RABGAP1L: variants seen among roughly 807,000 people sequenced by gnomAD.
The protein encoded by RABGAP1L is RAB GTPase activating protein 1 like, also known as rab GTPase-activating protein 1-like.
Under a neutral mutation model 137.7 loss-of-function variants are expected in RABGAP1L, and 63 were observed. The observed-to-expected ratio is 0.46, with a 90% CI of 0.37 to 0.56. RABGAP1L has a LOEUF of 0.56. RABGAP1L is among the 20% of genes least tolerant of loss of function. The probability of loss-of-function intolerance (pLI) is 0.00; values close to 1 mark genes in which losing one functional copy is unlikely to be tolerated. For synonymous variants in RABGAP1L, 431 were observed against 433.7 expected, an observed-to-expected ratio of 0.99 and a Z score of 0.08; for missense variants, 1,095 against 1,244.0, an observed-to-expected ratio of 0.88 and a Z score of 1.80.
intron 5 of RABGAP1L, among the ~76,000 whole-genome samples, chr1:174,247,994 T>C (rs552956737): frequency 6.6e-6 from 1 of 152,314 alleles, no homozygotes; most frequent in Non-Finnish European, 1.5e-5. Flanking sequence ...CAGTAGACTT[T>C]ATATTTCATT....
intron 13 of RABGAP1L, among the ~76,000 whole-genome samples, chr1:174,490,538 C>A (rs2149351890): frequency 6.6e-6 from 1 of 152,258 alleles, no homozygotes; most frequent in East Asian, 1.9e-4. Flanking sequence ...GCCAGCATAG[C>A]ATTTTGTCTC....
intron 17 of RABGAP1L, among the ~76,000 whole-genome samples, chr1:174,732,584 G>C (rs935180689): frequency 6.6e-6 from 1 of 152,084 alleles, no homozygotes; most frequent in East Asian, 1.9e-4. Flanking sequence ...ACCTTCAAAG[G>C]CATCTTCAGT....
At chr1:174,461,530 C>T (rs905510579) in intron 13 of RABGAP1L, among the ~76,000 whole-genome samples, 5 of 152,236 alleles carry the variant, frequency 3.3e-5, no homozygotes, top group African/African-American at 1.2e-4. Context: ...AGTGGCTACT[C>T]AATTATTTGT....
At chr1:174,474,897 G>A (rs545512583) in intron 13 of RABGAP1L, among the ~76,000 whole-genome samples, 41 of 151,862 alleles carry the variant, frequency 2.7e-4, no homozygotes, top group Middle Eastern at 3.4e-3. Flanking sequence ...CACTGCGCCT[G>A]GCCTTCTGAT....
intron 19 of RABGAP1L, among the ~76,000 whole-genome samples, chr1:174,818,132 A>G (rs1263132638): frequency 6.6e-6 from 1 of 152,246 alleles, no homozygotes; most frequent in Non-Finnish European, 1.5e-5. Context: ...TTTGGGAGTC[A>G]TCAGCATTGA....
chr1:174,750,327 A>C (rs1277696789), intron 17 of RABGAP1L, among the ~76,000 whole-genome samples: 2 of 150,200 alleles, frequency 1.3e-5, no homozygotes, highest in Non-Finnish European at 3.0e-5. Flanking sequence ...ATAATGAGGC[A>C]TGCCTGATTG....
chr1:174,883,858 T>C (rs767625059), intron 19 of RABGAP1L, among the ~76,000 whole-genome samples: 12 of 152,192 alleles, frequency 7.9e-5, no homozygotes, highest in Admixed American at 2.0e-4. Flanking sequence ...TAATATTATT[T>C]AGGAAGAAGC....
intron 10 of RABGAP1L, among the ~76,000 whole-genome samples, chr1:174,283,546 G>A (rs1002095683): frequency 4.0e-5 from 6 of 150,154 alleles, no homozygotes; most frequent in African/African-American, 1.5e-4. Context: ...TCAACTTGTT[G>A]CCCAGGCTGG....
chr1:174,193,246 A>G (rs1386857271), intron 1 of RABGAP1L, among the ~76,000 whole-genome samples: 4 of 152,142 alleles, frequency 2.6e-5, no homozygotes, highest in African/African-American at 9.7e-5. Flanking sequence ...AAAGTAGACA[A>G]CTTGGCTGAG....
intron 13 of RABGAP1L, among the ~76,000 whole-genome samples, chr1:174,575,737 G>T (rs539320912): frequency 2.0e-5 from 3 of 152,140 alleles, no homozygotes; most frequent in South Asian, 2.1e-4. Context: ...CCAGCAGCCC[G>T]CAATGCAGCG....
chr1:174,669,310 C>T (rs1025124904), intron 14 of RABGAP1L, among the ~76,000 whole-genome samples: 8 of 152,122 alleles, frequency 5.3e-5, no homozygotes, highest in African/African-American at 1.9e-4. Context: ...TTACCTTCAC[C>T]TGGTCTCTCC....
At chr1:174,380,095 G>A (rs1685983075) in intron 12 of RABGAP1L, among the ~76,000 whole-genome samples, 2 of 149,634 alleles carry the variant, frequency 1.3e-5, no homozygotes, top group South Asian at 4.3e-4. Flanking sequence ...TACATTTATT[G>A]ATTTGCGTAT....
At chr1:174,885,744 G>C (rs1276415337) in intron 19 of RABGAP1L, among the ~76,000 whole-genome samples, 6 of 152,002 alleles carry the variant, frequency 3.9e-5, no homozygotes, top group Admixed American at 1.3e-4. Context: ...GAGGCGAGTG[G>C]ATCACGAGGT....
chr1:174,502,588 A>ATATATATATATATGTACATATATGTGTG (rs1661395401), intron 13 of RABGAP1L, among the ~76,000 whole-genome samples: 1 of 146,722 alleles, frequency 6.8e-6, no homozygotes, highest in Admixed American at 6.9e-5. Context: ...ATATATATAT[A>ATATATATATATATGTACATATATGTGTG]TATATATATG....
chr1:174,589,314 A>G (rs556067085), intron 13 of RABGAP1L, among the ~76,000 whole-genome samples: 1 of 151,732 alleles, frequency 6.6e-6, no homozygotes, highest in Non-Finnish European at 1.5e-5. Flanking sequence ...TTTTTTTTCT[A>G]TTGAGTTGTT....
At chr1:174,197,304 G>A (rs1040445674) in intron 1 of RABGAP1L, among the ~76,000 whole-genome samples, 1 of 152,174 alleles carries the variant, frequency 6.6e-6, no homozygotes, top group Non-Finnish European at 1.5e-5. Flanking sequence ...GCAGTTGAGT[G>A]TCAAATAGTT....
chr1:174,349,032 CGGCTGGCCGGGCGGGGGG>C (rs1682739927), intron 11 of RABGAP1L, among the ~76,000 whole-genome samples: 1 of 143,340 alleles, frequency 7.0e-6, no homozygotes, highest in Non-Finnish European at 1.5e-5. Context: ...CCGGACAGGG[CGGCTGGCCGGGCGGGGGG>C]GGGGCTGACC....
intron 17 of RABGAP1L, among the ~76,000 whole-genome samples, chr1:174,703,397 T>G (rs1185781853): frequency 6.6e-6 from 1 of 152,226 alleles, no homozygotes; most frequent in African/African-American, 2.4e-5. Context: ...TCCATCCATG[T>G]TGCTGCTAAT....
intron 11 of RABGAP1L, among the ~76,000 whole-genome samples, chr1:174,338,353 C>T (rs986306221): frequency 2.0e-5 from 3 of 152,090 alleles, no homozygotes; most frequent in East Asian, 3.8e-4. Flanking sequence ...CAGCATTCAA[C>T]GAAAGTATCT....
Sources: allele counts gnomAD v4.1 joint callset (sites outside exome capture counted in the v4.1 genomes callset), GRCh38; gene constraint gnomAD v4.1.1; transcripts MANE v1.5; gene names NCBI Gene and HGNC (gene_info 2026-07-23, HGNC 2026-07-21).